The following KLRG1 variants were observed in gnomAD, a reference collection of about 807,000 sequenced individuals.
KLRG1 encodes killer cell lectin like receptor G1.
Under a neutral mutation model 21.8 loss-of-function variants are expected in KLRG1, and 16 were observed. The observed-to-expected ratio is 0.73, with a 90% CI of 0.50 to 1.11. KLRG1 has a LOEUF of 1.11. Among genes scored for constraint, KLRG1 ranks in the 50% most tolerant of loss-of-function variants. KLRG1 has a pLI of 0.00. For missense variants in KLRG1, 173 were observed against 218.3 expected, an observed-to-expected ratio of 0.79 and a Z score of 1.31; for synonymous variants, 69 against 75.9, an observed-to-expected ratio of 0.91 and a Z score of 0.47.
At chr12:9,207,330 T>A in the KLRG1 span, among the ~76,000 whole-genome samples, 1 of 152,204 alleles carries the variant, frequency 6.6e-6, no homozygotes, top group South Asian at 2.1e-4. Context: ...TCAGTGCCTA[T>A]GTGCTATTAT....
chr12:9,143,482 G>T, the KLRG1 span, among the ~76,000 whole-genome samples: 1 of 152,096 alleles, frequency 6.6e-6, no homozygotes, highest in Non-Finnish European at 1.5e-5. Context: ...AGAGGAAGGG[G>T]TTTAGAAGGA....
At chr12:9,051,485 G>A in the KLRG1 span, among the ~76,000 whole-genome samples, 11 of 152,156 alleles carry the variant, frequency 7.2e-5, no homozygotes, top group South Asian at 1.9e-3. Context: ...GGCCAGCTGC[G>A]GAGAGGAGCA....
chr12:9,076,667 G>A, the KLRG1 span: 4 of 1,196,132 alleles, frequency 3.3e-6, no homozygotes, highest in African/African-American at 1.5e-5. Flanking sequence ...AGGAGACAGG[G>A]ATCACAGGAG....
the KLRG1 span, among the ~76,000 whole-genome samples, chr12:9,180,580 G>A: frequency 1.3e-5 from 2 of 152,038 alleles, no homozygotes; most frequent in African/African-American, 2.4e-5. Context: ...ATGGTGCTGG[G>A]AAAACTGGCT....
the KLRG1 span, among the ~76,000 whole-genome samples, chr12:9,185,512 T>C: frequency 6.6e-6 from 1 of 152,172 alleles, no homozygotes; most frequent in Non-Finnish European, 1.5e-5. Context: ...GAAAACATAT[T>C]TTAGGATATC....
chr12:9,098,570 C>G, the KLRG1 span: 26 of 1,565,828 alleles, frequency 1.7e-5, 1 homozygote, highest in South Asian at 2.9e-4. Flanking sequence ...GCCCCTGGCA[C>G]GGCCCTTCTT....
chr12:9,112,766 C>T, the KLRG1 span: 4 of 527,258 alleles, frequency 7.6e-6, no homozygotes, highest in East Asian at 9.9e-5. Context: ...AAGTGAGATT[C>T]ACACCTTCAT....
the KLRG1 span, among the ~76,000 whole-genome samples, chr12:9,129,963 A>G: frequency 6.6e-6 from 1 of 152,220 alleles, no homozygotes; most frequent in African/African-American, 2.4e-5. Flanking sequence ...TAAACAACCT[A>G]TTAAACACTT....
At chr12:9,154,679 T>G in the KLRG1 span, 3 of 1,614,142 alleles carry the variant, frequency 1.9e-6, no homozygotes, top group Non-Finnish European at 2.5e-6. Flanking sequence ...CAATGTTAGT[T>G]GCAGAGGTCA....
At chr12:9,008,383 AC>A (rs1240328114) in intron 3 of KLRG1, among the ~76,000 whole-genome samples, 1 of 152,246 alleles carries the variant, frequency 6.6e-6, no homozygotes, top group Non-Finnish European at 1.5e-5. Context: ...CCAGTTATTG[AC>A]AGAAAGGTCA....
At chr12:9,108,792 A>T in the KLRG1 span, among the ~76,000 whole-genome samples, 3 of 152,216 alleles carry the variant, frequency 2.0e-5, no homozygotes, top group Non-Finnish European at 1.5e-5. Flanking sequence ...ATGTCAGTGC[A>T]GACAGGTATG....
At chr12:9,029,610 A>G in the KLRG1 span, among the ~76,000 whole-genome samples, 2 of 151,628 alleles carry the variant, frequency 1.3e-5, no homozygotes, top group Non-Finnish European at 2.9e-5. Context: ...TATCTCCCCA[A>G]TCCCCCCTCC....
At chr12:9,076,769 T>C in the KLRG1 span, 1 of 1,613,942 alleles carries the variant, frequency 6.2e-7, no homozygotes, top group South Asian at 1.1e-5. Flanking sequence ...TCTTCACAGC[T>C]TCCTCATTAA....
At chr12:9,212,324 A>T in the KLRG1 span, among the ~76,000 whole-genome samples, 1 of 152,212 alleles carries the variant, frequency 6.6e-6, no homozygotes, top group Admixed American at 6.5e-5. Flanking sequence ...TCAGCCTACC[A>T]GGGCACTTGT....
chr12:9,202,577 T>G, the KLRG1 span: 1 of 1,614,090 alleles, frequency 6.2e-7, no homozygotes, highest in Non-Finnish European at 8.5e-7. Flanking sequence ...AGACCAGACT[T>G]TGGGTGTTCA....
At chr12:9,001,588 G>A (rs1947309871) in intron 3 of KLRG1, among the ~76,000 whole-genome samples, 1 of 152,096 alleles carries the variant, frequency 6.6e-6, no homozygotes, top group Admixed American at 6.5e-5. Context: ...TGACCCCCTG[G>A]CCGTGGACAT....
At chr12:8,986,229 C>T (rs1481551808), upstream of KLRG1, among the ~76,000 whole-genome samples, 1 of 152,152 alleles carries the variant, frequency 6.6e-6, no homozygotes, top group South Asian at 2.1e-4. Flanking sequence ...ACGCAGTGAA[C>T]CCTGTTCATG....
the KLRG1 span, among the ~76,000 whole-genome samples, chr12:9,087,244 G>A: frequency 2.0e-5 from 3 of 151,940 alleles, no homozygotes; most frequent in African/African-American, 7.3e-5. Flanking sequence ...AATTACTGAT[G>A]TCTAGTTATG....
the KLRG1 span, chr12:9,201,409 C>A: frequency 1.5e-6 from 2 of 1,334,598 alleles, no homozygotes; most frequent in South Asian, 1.3e-5. Flanking sequence ...CAATTTCAGA[C>A]TTGTGATCAA....
Sources: allele counts gnomAD v4.1 joint callset (sites outside exome capture counted in the v4.1 genomes callset), GRCh38; gene constraint gnomAD v4.1.1; transcripts MANE v1.5; gene names NCBI Gene and HGNC (gene_info 2026-07-23, HGNC 2026-07-21).